The following CSMD1 variants were observed in gnomAD, a reference collection of about 807,000 sequenced individuals.
CSMD1 encodes the protein CUB and sushi domain-containing protein 1.
Under a neutral mutation model 417.5 loss-of-function variants are expected in CSMD1, and 213 were observed. The ratio of observed to expected loss-of-function variants is 0.51; its 90% confidence interval spans 0.46 to 0.57. The LOEUF is 0.57. Ranked by LOEUF, CSMD1 falls within the 20% of genes least tolerant of loss-of-function variation. The probability of loss-of-function intolerance (pLI) is 0.00; values close to 1 mark genes in which losing one functional copy is unlikely to be tolerated. For missense variants in CSMD1, 6,923 were observed against 4,529.7 expected (o/e 1.53, Z -15.17); for synonymous variants, 2,862 against 1,736.8 (o/e 1.65, Z -16.11).
At chr8:4,033,411 C>T (rs1363634636) in intron 3 of CSMD1, among the ~76,000 whole-genome samples, 3 of 152,138 alleles carry the variant, frequency 2.0e-5, no homozygotes, top group African/African-American at 4.8e-5. Context: ...CACTGCACTC[C>T]AGCGTGGGTG....
intron 5 of CSMD1, among the ~76,000 whole-genome samples, chr8:3,981,327 A>T (rs953263857): frequency 5.3e-5 from 8 of 152,074 alleles, no homozygotes; most frequent in African/African-American, 1.9e-4. Flanking sequence ...ATAACAGCGG[A>T]TTTTGGGGAC....
intron 7 of CSMD1, among the ~76,000 whole-genome samples, chr8:3,704,248 T>A (rs2624111): frequency 1.3e-5 from 2 of 152,200 alleles, no homozygotes; most frequent in East Asian, 3.9e-4. Flanking sequence ...GAAAAGTCAG[T>A]CTGCACCTGG....
intron 5 of CSMD1, among the ~76,000 whole-genome samples, chr8:3,893,450 A>G (rs1807136151): frequency 6.7e-6 from 1 of 150,296 alleles, no homozygotes; most frequent in Non-Finnish European, 1.5e-5. Context: ...TGAGGACAGT[A>G]TGATAGCTTT....
intron 3 of CSMD1, among the ~76,000 whole-genome samples, chr8:4,138,353 C>A (rs181368574): frequency 1.3e-5 from 2 of 152,072 alleles, no homozygotes; most frequent in Admixed American, 6.5e-5. Flanking sequence ...AAAGCTGGGG[C>A]AAGGAGTCAG....
rs116410427 is a variant in CSMD1 at position 4,639,068 on chromosome 8, A to G, written c.86-1510T>C. Among the ~76,000 whole-genome samples the G allele has an allele frequency of 4.7e-3, 718 of 152,168 alleles. 10 individuals carry two copies. Among genetic ancestry groups the G allele is most frequent in the African/African-American group, 0.017 (689 of 41,498 alleles). On this transcript the variant is annotated intron_variant, in intron 1 of 69. Coordinates refer to ENST00000635120, the MANE Select transcript of CSMD1 (RefSeq NM_033225.6). ...ACCCACCTATTCTATTTTTACCACT[A>G]GACAAACTGAAATGCCTGCCTTGTC...
Position 3,354,016 on chromosome 8 carries a change from A to G in CSMD1, c.3304+5136T>C, listed in dbSNP as rs911827928. ...AGACAGAGTGGCCTCAACAACAGACAGACGTGGAGGCTAGGAAGCCCCAAA... is the reference window on the plus strand; with the variant it reads ...AGACAGAGTGGCCTCAACAACAGACGGACGTGGAGGCTAGGAAGCCCCAAA... On this transcript the variant is annotated intron_variant, in intron 21 of 69. Coordinates refer to ENST00000635120, the MANE Select transcript of CSMD1 (RefSeq NM_033225.6). Among the ~76,000 whole-genome samples the G allele has an allele frequency of 2.6e-5, 4 of 152,346 alleles. No individual in the cohort carries two copies. In the East Asian group the frequency reaches 7.7e-4, roughly 29 times the overall value.
intron 11 of CSMD1, among the ~76,000 whole-genome samples, chr8:3,483,124 G>T (rs1817837506): frequency 1.3e-5 from 2 of 151,910 alleles, no homozygotes; most frequent in South Asian, 4.1e-4. Flanking sequence ...TGCGATAGAG[G>T]TCTAAATTAA....
chr8:3,826,448 T>C (rs922725866), intron 5 of CSMD1, among the ~76,000 whole-genome samples: 1 of 152,124 alleles, frequency 6.6e-6, no homozygotes, highest in African/African-American at 2.4e-5. Context: ...CTTCCCTTGC[T>C]CCCGGCCTAC....
chr8:4,103,863 G>A (rs957974643), intron 3 of CSMD1, among the ~76,000 whole-genome samples: 3 of 152,178 alleles, frequency 2.0e-5, no homozygotes, highest in African/African-American at 4.8e-5. Flanking sequence ...ATTGTCTGGT[G>A]CTATATCTCT....
At chr8:4,150,873 T>G (rs1318879857) in intron 3 of CSMD1, among the ~76,000 whole-genome samples, 1 of 85,806 alleles carries the variant, frequency 1.2e-5, no homozygotes, top group East Asian at 3.7e-4. Context: ...TAAAAAAATG[T>G]CCTGCTGAGA....
chr8:4,312,942 C>G (rs1267623261), intron 3 of CSMD1, among the ~76,000 whole-genome samples: 1 of 152,086 alleles, frequency 6.6e-6, no homozygotes, highest in Non-Finnish European at 1.5e-5. Flanking sequence ...AATTTGGAAG[C>G]CCAGAGGAAG....
intron 38 of CSMD1, among the ~76,000 whole-genome samples, chr8:3,159,746 A>G (rs999246985): frequency 1.3e-5 from 2 of 152,232 alleles, no homozygotes; most frequent in Non-Finnish European, 2.9e-5. Context: ...CAGAGCTAAT[A>G]AACGGTCTGC....
chr8:3,510,363 G>C (rs759612515), intron 10 of CSMD1, among the ~76,000 whole-genome samples: 7 of 151,832 alleles, frequency 4.6e-5, no homozygotes, highest in Non-Finnish European at 8.8e-5. Flanking sequence ...GGACAGTAGA[G>C]AAAGCACATG....
chr8:4,544,271 C>A (rs754463144), intron 2 of CSMD1, among the ~76,000 whole-genome samples: 1 of 152,018 alleles, frequency 6.6e-6, no homozygotes, highest in Admixed American at 6.6e-5. Flanking sequence ...GTCTATGAGC[C>A]ATTTTTAGTT....
At chr8:3,353,312 A>G (rs1808536102) in intron 21 of CSMD1, among the ~76,000 whole-genome samples, 2 of 152,198 alleles carry the variant, frequency 1.3e-5, no homozygotes, top group African/African-American at 2.4e-5. Flanking sequence ...TCCGTTTTCA[A>G]ATTAAATCAG....
chr8:3,777,116 A>G (rs1798933053), intron 5 of CSMD1, among the ~76,000 whole-genome samples: 2 of 68,032 alleles, frequency 2.9e-5, no homozygotes, highest in Non-Finnish European at 5.6e-5. Flanking sequence ...TTAGCTATCT[A>G]TACCTACACA....
chr8:3,431,134 C>T (rs549852937), intron 12 of CSMD1, among the ~76,000 whole-genome samples: 54 of 152,246 alleles, frequency 3.5e-4, no homozygotes, highest in African/African-American at 1.3e-3. Context: ...ATGGTTAAAA[C>T]ACCAACAGAG....
rs59696632 is a variant in CSMD1, at chr8:4,559,712, G to A, written c.302+77630C>T. ...AATTGCTAAACAGCAAAGATGCTGC[G>A]TAGCAGCTCCATCAGTCTTTCTGTT... On this transcript the variant is annotated intron_variant, in intron 2 of 69. Coordinates refer to ENST00000635120, the MANE Select transcript of CSMD1 (RefSeq NM_033225.6). Among the ~76,000 whole-genome samples the A allele has an allele frequency of 6.4e-3, 982 of 152,328 alleles. 8 individuals carry two copies. The highest frequency in any genetic ancestry group is 0.022 in the African/African-American group (922 of 41,576).
intron 1 of CSMD1, among the ~76,000 whole-genome samples, chr8:4,848,289 C>T (rs4875398): frequency 0.42 from 63,848 of 151,980 alleles, 13,591 homozygotes; most frequent in Non-Finnish European, 0.47. Context: ...CATTGTTGTA[C>T]CAGTTTTTGT....
Sources: allele counts gnomAD v4.1 joint callset (sites outside exome capture counted in the v4.1 genomes callset), GRCh38; gene constraint gnomAD v4.1.1; transcripts MANE v1.5; gene names NCBI Gene and HGNC (gene_info 2026-07-23, HGNC 2026-07-21).